The following TERB1 variants were observed in gnomAD, a reference collection of about 807,000 sequenced individuals.
TERB1 encodes the protein telomere repeat binding bouquet formation protein 1, also known as telomere repeats-binding bouquet formation protein 1.
TERB1 carries 63 observed loss-of-function variants against 92.3 expected under a neutral mutation model. The observed-to-expected ratio is 0.68, with a 90% confidence interval of 0.56 to 0.84. The LOEUF is 0.84. Among genes scored for constraint, TERB1 ranks in the 40% least tolerant of loss-of-function variants. The pLI is 0.00. For missense variants in TERB1, 709 were observed against 843.7 expected, an observed-to-expected ratio of 0.84 and a Z score of 1.98; for synonymous variants, 252 against 283.9, an observed-to-expected ratio of 0.89 and a Z score of 1.13.
intron 9 of TERB1, among the ~76,000 whole-genome samples, chr16:66,783,213 AC>A (rs1454996019): frequency 2.0e-5 from 3 of 152,166 alleles, no homozygotes; most frequent in Non-Finnish European, 4.4e-5. Context: ...TAAGTGTGTT[AC>A]TTGTAGTATT....
At chr16:66,776,266 T>C (rs1597017277) in intron 11 of TERB1, among the ~76,000 whole-genome samples, 2 of 149,728 alleles carry the variant, frequency 1.3e-5, no homozygotes. Flanking sequence ...GAGGCGGAGG[T>C]TGCAGTGAGC....
chr16:66,785,322 C>T (rs1485038583), intron 9 of TERB1, among the ~76,000 whole-genome samples: 1 of 152,246 alleles, frequency 6.6e-6, no homozygotes, highest in African/African-American at 2.4e-5. Context: ...GGATTATAGG[C>T]GTGAGCCACC....
chr16:66,770,010 GTT>G lies in TERB1; in HGVS notation c.1570_1571del (p.Asn524LeufsTer3). On this transcript the variant is annotated frameshift_variant, in exon 14 of 19. Coordinates refer to ENST00000433154, the MANE Select transcript of TERB1 (RefSeq NM_001136505.2). LOFTEE classifies it high-confidence loss of function. The part of the protein sequence containing the change: ...LYKAKSSCNQ[N>X]LHEETTFEKN... ...TTTCAAAAGTAGTTTCTTCATGTAA[GTT>G]TTGATTGCAGCTTGACTTGGCTTTA... The G allele has an allele frequency of 6.4e-7, 1 of 1,551,552 alleles. No homozygotes were observed. The highest frequency in any genetic ancestry group is 1.2e-5 in the South Asian group (1 of 83,982).
At chr16:66,797,928 GAAA>G (rs766732747) in intron 2 of TERB1, among the ~76,000 whole-genome samples, 2 of 151,844 alleles carry the variant, frequency 1.3e-5, no homozygotes, top group Non-Finnish European at 2.9e-5. Flanking sequence ...TGATTAGTTA[GAAA>G]AAATGCCTCA....
intron 5 of TERB1, among the ~76,000 whole-genome samples, chr16:66,789,780 G>C (rs529862395): frequency 6.8e-6 from 1 of 148,006 alleles, no homozygotes; most frequent in Non-Finnish European, 1.5e-5. Context: ...GCATAATCTC[G>C]GCCCACTGCC....
At chr16:66,796,044 C>A (rs779591956) in intron 3 of TERB1, among the ~76,000 whole-genome samples, 1 of 152,186 alleles carries the variant, frequency 6.6e-6, no homozygotes, top group South Asian at 2.1e-4. Flanking sequence ...CCACCACACC[C>A]GGCTGATCAT....
At chr16:66,786,329 T>C in intron 6 of TERB1, 44 bp from the exon 7 acceptor site, 4 of 1,336,882 alleles carry the variant, frequency 3.0e-6, no homozygotes, top group South Asian at 1.3e-5. Context: ...TATTTACAAA[T>C]AGTCTTGCAG....
chr16:66,787,007 G>A (rs780309186), intron 6 of TERB1, among the ~76,000 whole-genome samples: 1 of 152,176 alleles, frequency 6.6e-6, no homozygotes, highest in Non-Finnish European at 1.5e-5. Context: ...GAATATGGTC[G>A]TGCTGGGACC....
At chr16:66,775,989 T>C (rs762866953) in intron 11 of TERB1, among the ~76,000 whole-genome samples, 1 of 151,580 alleles carries the variant, frequency 6.6e-6, no homozygotes, top group Admixed American at 6.6e-5. Context: ...GAATTACAGG[T>C]GTGAGCCACC....
intron 9 of TERB1, among the ~76,000 whole-genome samples, chr16:66,783,102 C>T (rs1283838691): frequency 6.6e-6 from 1 of 152,184 alleles, no homozygotes; most frequent in Non-Finnish European, 1.5e-5. Context: ...GGTCCTCCTG[C>T]CTCAGCCTCC....
chr16:66,786,753 A>G (rs2018735048), intron 6 of TERB1, among the ~76,000 whole-genome samples: 1 of 152,114 alleles, frequency 6.6e-6, no homozygotes, highest in African/African-American at 2.4e-5. Context: ...CTCCCCATGG[A>G]AACAATAATA....
intron 16 of TERB1, among the ~76,000 whole-genome samples, chr16:66,761,763 A>C (rs975572523): frequency 2.6e-5 from 4 of 151,402 alleles, no homozygotes; most frequent in African/African-American, 9.7e-5. Flanking sequence ...ACAGAATAAG[A>C]CCCTGTCTCA....
rs1415581234 is a variant in TERB1 at position 66,789,312 on chromosome 16, C to T, written c.272-1015G>A. On this transcript the variant is annotated intron_variant, in intron 5 of 18. Transcript: ENST00000433154. ...AATTAAAAAAAAATTCGGCCGGGCG[C>T]GGTGGCTCACGCCTGTAATCCCAGC... Among the ~76,000 whole-genome samples the T allele has an allele frequency of 7.8e-5, 3 of 38,244 alleles. 1 individual carries two copies. The highest frequency in any genetic ancestry group is 1.4e-3 in the East Asian group (1 of 702). The allele number at this position is 38,244 out of a possible 152,430, so 25.1% of individuals were successfully genotyped here.
intron 13 of TERB1, among the ~76,000 whole-genome samples, chr16:66,772,238 G>A (rs374090090): frequency 6.6e-6 from 1 of 152,102 alleles, no homozygotes; most frequent in African/African-American, 2.4e-5. Context: ...CCAGCATTTC[G>A]GGAGGCTAAG....
intron 3 of TERB1, among the ~76,000 whole-genome samples, chr16:66,792,656 T>C (rs2018855471): frequency 6.6e-6 from 1 of 152,198 alleles, no homozygotes; most frequent in African/African-American, 2.4e-5. Context: ...TTAGTTGATT[T>C]TATCATTGTA....
chr16:66,800,392 G>GTTGTTTT (rs1555510268), intron 2 of TERB1, among the ~76,000 whole-genome samples: 1 of 92,858 alleles, frequency 1.1e-5, no homozygotes, highest in African/African-American at 6.7e-5. Context: ...AATAAAGAAA[G>GTTGTTTT]TTTTTTTTTT....
chr16:66,762,872 C>A (rs2018276215), intron 16 of TERB1, among the ~76,000 whole-genome samples: 2 of 151,226 alleles, frequency 1.3e-5, no homozygotes, highest in Non-Finnish European at 2.9e-5. Context: ...TTTTTAGAGA[C>A]AGGTTTCACT....
intron 10 of TERB1, 58 bp downstream of exon 10, chr16:66,778,805 T>C: frequency 7.4e-7 from 1 of 1,347,706 alleles, no homozygotes; most frequent in Admixed American, 2.6e-5. Flanking sequence ...TCAACACTCT[T>C]CATGCTATAT....
chr16:66,758,665 T>C (rs776841654), intron 18 of TERB1, 108 bp downstream of exon 18: 204 of 642,246 alleles, frequency 3.2e-4, no homozygotes, highest in Non-Finnish European at 5.1e-4. Flanking sequence ...CACTTGAACC[T>C]GGGAGGCGGA....
Sources: allele counts gnomAD v4.1 joint callset (sites outside exome capture counted in the v4.1 genomes callset), GRCh38; gene constraint gnomAD v4.1.1; transcripts MANE v1.5; gene names NCBI Gene and HGNC (gene_info 2026-07-23, HGNC 2026-07-21).